CCDC60: variants seen among roughly 807,000 people sequenced by gnomAD.
The protein encoded by CCDC60 is coiled-coil domain containing 60, also known as coiled-coil domain-containing protein 60.
CCDC60 carries 54 observed loss-of-function variants against 63.5 expected under a neutral mutation model. The ratio of observed to expected loss-of-function variants is 0.85; its 90% CI spans 0.68 to 1.07. The LOEUF is 1.07. Among genes scored for constraint, CCDC60 ranks in the 50% least tolerant of loss-of-function variants. CCDC60 has a pLI of 0.00. For missense variants in CCDC60, 651 were observed against 684.3 expected, an observed-to-expected ratio of 0.95 and a Z score of 0.54; for synonymous variants, 206 against 238.8, an observed-to-expected ratio of 0.86 and a Z score of 1.27.
chr12:119,540,705 C>G lies in CCDC60; in HGVS notation c.1643C>G (p.Ala548Gly). 6.2e-7 allele frequency: 1 copy of G among 1,612,920 alleles called. No individual in the cohort carries two copies. Among genetic ancestry groups the G allele is most frequent in the Non-Finnish European group, 8.5e-7 (1 of 1,179,350 alleles). Residue 548 changes from alanine to glycine, a missense_variant, in exon 14 of 14, where the codon GCC becomes GGC. By Grantham distance (60) the Ala-to-Gly change is moderately conservative. Transcript: ENST00000327554. ...RINIPIGPYSALR is the reference protein window; with the variant it reads ...RINIPIGPYSGLR ...AACATACCCATTGGGCCCTACAGCG[C>G]CCTGAGGTAGGCTGGGCCTGGGTTG... is the stretch of plus-strand genomic sequence containing the variant.
At chr12:119,413,655 G>A (rs1017217097) in intron 1 of CCDC60, among the ~76,000 whole-genome samples, 1 of 152,132 alleles carries the variant, frequency 6.6e-6, no homozygotes, top group African/African-American at 2.4e-5. Flanking sequence ...TGCCAGGTGG[G>A]AGCCCGGAGG....
In CCDC60 at chr12:119,452,455, C is replaced by A. The variant is rs143247181; in HGVS notation, c.171-19539C>A. ...GACAGGCTTAGGCCCGAGAACCAGT[C>A]CAGACTCTGCTCCACCCAGACTGGG... On this transcript the variant is annotated intron_variant, in intron 2 of 13. Coordinates refer to ENST00000327554, the MANE Select transcript of CCDC60 (RefSeq NM_178499.5). Among the ~76,000 whole-genome samples the A allele has an allele frequency of 2.6e-5, 4 of 152,322 alleles. No homozygotes were observed. In the East Asian group the frequency reaches 7.7e-4, roughly 29 times the overall value.
At chr12:119,518,003 C>T (rs1234332524) in intron 8 of CCDC60, among the ~76,000 whole-genome samples, 1 of 152,176 alleles carries the variant, frequency 6.6e-6, no homozygotes, top group Non-Finnish European at 1.5e-5. Flanking sequence ...CACTGGGATG[C>T]CAACTATGAC....
At chr12:119,532,364 CA>C (rs1431393915) in intron 13 of CCDC60, among the ~76,000 whole-genome samples, 1 of 151,186 alleles carries the variant, frequency 6.6e-6, no homozygotes, top group Non-Finnish European at 1.5e-5. Flanking sequence ...TAAAATTTAG[CA>C]AGCTCTTTTC....
Position 119,495,023 on chromosome 12 carries a change from T to C in CCDC60, c.558-5055T>C, listed in dbSNP as rs557988871. ...TCAAAATCCATCTACTGTTTTATGA[T>C]GAAAATGGCTGGCACTTGAGTGCTT... On this transcript the variant is annotated intron_variant, in intron 5 of 13. Coordinates refer to ENST00000327554, the MANE Select transcript of CCDC60 (RefSeq NM_178499.5). Among the ~76,000 whole-genome samples the C allele has an allele frequency of 7.9e-5, 12 of 152,304 alleles. No individual in the cohort carries two copies. The South Asian group carries it at 2.3e-3, about 29-fold the overall frequency.
chr12:119,499,427 C>T (rs1246672926), intron 5 of CCDC60, among the ~76,000 whole-genome samples: 4 of 152,214 alleles, frequency 2.6e-5, no homozygotes, highest in Non-Finnish European at 5.9e-5. Context: ...GCTTTAGCTT[C>T]ATTCGTTTCA....
chr12:119,391,455 T>C (rs535822061), intron 1 of CCDC60, among the ~76,000 whole-genome samples: 1 of 152,358 alleles, frequency 6.6e-6, no homozygotes, highest in East Asian at 1.9e-4. Flanking sequence ...CTCAGACTGA[T>C]CTGGATTGGA....
chr12:119,360,842 C>T (rs1453767436), intron 1 of CCDC60, among the ~76,000 whole-genome samples: 2 of 152,138 alleles, frequency 1.3e-5, no homozygotes, highest in Non-Finnish European at 1.5e-5. Flanking sequence ...CCAGCCTGGG[C>T]GCCATTGAGC....
intron 2 of CCDC60, among the ~76,000 whole-genome samples, chr12:119,440,260 G>A (rs1364850743): frequency 6.6e-6 from 1 of 152,204 alleles, no homozygotes; most frequent in Non-Finnish European, 1.5e-5. Context: ...ACCGGGCACG[G>A]TGGCTCACGT....
intron 4 of CCDC60, among the ~76,000 whole-genome samples, chr12:119,481,261 T>C (rs1340663686): frequency 6.6e-6 from 1 of 152,224 alleles, no homozygotes; most frequent in Non-Finnish European, 1.5e-5. Flanking sequence ...AAGCATCTCC[T>C]TGCAAAAATA....
At chr12:119,358,139 C>G (rs918026321) in intron 1 of CCDC60, among the ~76,000 whole-genome samples, 1 of 152,170 alleles carries the variant, frequency 6.6e-6, no homozygotes, top group Non-Finnish European at 1.5e-5. Context: ...ATCCAATCAC[C>G]TCCCACCAGG....
At chr12:119,443,407 C>G (rs1950482611) in intron 2 of CCDC60, among the ~76,000 whole-genome samples, 1 of 152,068 alleles carries the variant, frequency 6.6e-6, no homozygotes, top group Non-Finnish European at 1.5e-5. Flanking sequence ...TATTAAAAAG[C>G]CAGAAATCTC....
At position 119,540,722 on chromosome 12, in the gene CCDC60, C is replaced by A. The variant is rs754116901; in HGVS notation, c.*7C>A. 6.3e-7 allele frequency: 1 copy of A among 1,593,750 alleles called. No homozygotes were observed. Among genetic ancestry groups the A allele is most frequent in the South Asian group, 1.1e-5 (1 of 90,598 alleles). On this transcript the variant is annotated 3_prime_UTR_variant, in exon 14 of 14. Coordinates refer to ENST00000327554, the MANE Select transcript of CCDC60 (RefSeq NM_178499.5). ...CTACAGCGCCCTGAGGTAGGCTGGG[C>A]CTGGGTTGACCAGCTGTCTCAGTGG...
chr12:119,484,684 TC>T, intron 4 of CCDC60, among the ~76,000 whole-genome samples: 2 of 151,944 alleles, frequency 1.3e-5, no homozygotes, highest in Middle Eastern at 6.8e-3. Context: ...CCGCACTCCA[TC>T]CTGGGCAACA....
At chr12:119,352,332 C>A (rs1383023623) in intron 1 of CCDC60, among the ~76,000 whole-genome samples, 3 of 152,194 alleles carry the variant, frequency 2.0e-5, no homozygotes, top group Non-Finnish European at 4.4e-5. Flanking sequence ...CACTATCCTG[C>A]CTGTTAGTCT....
chr12:119,442,610 T>C (rs1004093057), intron 2 of CCDC60, among the ~76,000 whole-genome samples: 1 of 152,232 alleles, frequency 6.6e-6, no homozygotes, highest in Admixed American at 6.5e-5. Flanking sequence ...TTAGAGAAGA[T>C]AAGGACTGTT....
intron 11 of CCDC60, among the ~76,000 whole-genome samples, chr12:119,524,702 GTTTCTTTTCT>G (rs1173487458): frequency 1.6e-5 from 2 of 121,486 alleles, no homozygotes; most frequent in East Asian, 2.6e-4. Context: ...GGAAACAGCA[GTTTCTTTTCT>G]TTTCTTTTCT....
chr12:119,409,937 A>G (rs1956563125), intron 1 of CCDC60, among the ~76,000 whole-genome samples: 1 of 151,698 alleles, frequency 6.6e-6, no homozygotes, highest in Non-Finnish European at 1.5e-5. Flanking sequence ...TTAACTTCCA[A>G]TTCCATCCTC....
intron 1 of CCDC60, among the ~76,000 whole-genome samples, chr12:119,406,007 A>C (rs1477404009): frequency 1.3e-5 from 2 of 152,134 alleles, no homozygotes; most frequent in African/African-American, 2.4e-5. Flanking sequence ...CTCCGCCCTT[A>C]CTAAAAATAC....
Sources: gnomAD v4.1 joint callset for allele counts (sites outside exome capture counted in the v4.1 genomes callset) on GRCh38, gnomAD v4.1.1 for gene constraint, MANE v1.5 for transcripts, NCBI Gene and HGNC (gene_info 2026-07-23, HGNC 2026-07-21) for gene names.